TXLNB: variants seen among roughly 807,000 people sequenced by gnomAD.
The protein encoded by TXLNB is taxilin beta.
A neutral mutation model predicts 57.4 loss-of-function variants in TXLNB; 37 were observed. That is an observed-to-expected ratio of 0.64 (90% confidence interval 0.50 to 0.85). The LOEUF is 0.85. Ranked by LOEUF, TXLNB falls within the 40% of genes least tolerant of loss-of-function variation. The pLI is 0.00. For synonymous variants in TXLNB, 302 were observed against 309.6 expected, an observed-to-expected ratio of 0.98 and a Z score of 0.26; for missense variants, 848 against 825.6, an observed-to-expected ratio of 1.03 and a Z score of -0.33.
At chr6:139,226,302 CA>C in the TXLNB span, among the ~76,000 whole-genome samples, 80 of 39,234 alleles carry the variant, frequency 2.0e-3, no homozygotes, top group South Asian at 9.4e-3. Context: ...GACCCTGTCT[CA>C]AAAAAAAAAA....
the TXLNB span, among the ~76,000 whole-genome samples, chr6:139,230,499 G>T: frequency 6.6e-6 from 1 of 152,226 alleles, no homozygotes; most frequent in African/African-American, 2.4e-5. Context: ...CCTAGTTAAA[G>T]ATAGTAACCA....
the TXLNB span, among the ~76,000 whole-genome samples, chr6:139,227,126 A>T: frequency 1.3e-5 from 2 of 152,042 alleles, no homozygotes; most frequent in Non-Finnish European, 2.9e-5. Flanking sequence ...GAGGATCATG[A>T]GGTCAGGAGT....
At position 139,288,822 on chromosome 6, in the gene TXLNB, A is replaced by T. The variant is rs773078876; in HGVS notation, c.78T>A (p.Ser26Arg). ...TPPGDSSSLP[S>R]HNGLEKEDGQ... is the part of the protein sequence containing the mutation. The stretch of plus-strand genomic sequence containing the variant: ...CATCTTCCTTCTCCAGGCCATTGTG[A>T]CTGGGTAATGATGAACTGTCACCTG... Residue 26 changes from serine (S) to arginine (R), a missense_variant, in exon 2 of 10, where the codon AGT (serine) becomes AGA (arginine). Coordinates refer to ENST00000358430, the MANE Select transcript of TXLNB (RefSeq NM_153235.4). 1.2e-6 allele frequency: 2 copies of T among 1,614,074 alleles called. No homozygotes were observed. The highest frequency in any genetic ancestry group is 4.5e-5 in the East Asian group (2 of 44,882).
At chr6:139,177,347 C>A in the TXLNB span, 1 of 314,332 alleles carries the variant, frequency 3.2e-6, no homozygotes, top group Non-Finnish European at 5.8e-6. The surrounding 1 kb of genome is among the most constrained non-coding windows in gnomAD (Gnocchi z 4.9). Flanking sequence ...TTCACTCTTA[C>A]CAAGAATCTT....
chr6:139,238,268 C>T (rs561405522), downstream of TXLNB, among the ~76,000 whole-genome samples: 1 of 152,236 alleles, frequency 6.6e-6, no homozygotes, highest in East Asian at 1.9e-4. Flanking sequence ...GTGGCAGGTG[C>T]CTGTAATCCC....
At chr6:139,299,387 C>A in the TXLNB span, among the ~76,000 whole-genome samples, 1 of 152,186 alleles carries the variant, frequency 6.6e-6, no homozygotes, top group African/African-American at 2.4e-5. Context: ...CCACAAGATA[C>A]CCAAACAAAC....
At chr6:139,214,349 A>G in the TXLNB span, among the ~76,000 whole-genome samples, 1 of 152,228 alleles carries the variant, frequency 6.6e-6, no homozygotes, top group African/African-American at 2.4e-5. Context: ...AACGTAATCC[A>G]GCATACAAAC....
chr6:139,311,863 G>A, the TXLNB span, among the ~76,000 whole-genome samples: 2 of 152,006 alleles, frequency 1.3e-5, no homozygotes, highest in African/African-American at 2.4e-5. Flanking sequence ...AGAGCAGGGG[G>A]GCTAGGATGG....
chr6:139,311,835 C>A, the TXLNB span, among the ~76,000 whole-genome samples: 1 of 152,130 alleles, frequency 6.6e-6, no homozygotes, highest in Non-Finnish European at 1.5e-5. Context: ...ATTTATTACT[C>A]TCAGTTCTGG....
the TXLNB span, among the ~76,000 whole-genome samples, chr6:139,205,477 GA>G: frequency 2.6e-5 from 4 of 151,742 alleles, no homozygotes; most frequent in African/African-American, 9.7e-5. Flanking sequence ...ATATCATAGA[GA>G]AAAAAACATT....
chr6:139,176,879 T>C, the TXLNB span: 1 of 806,170 alleles, frequency 1.2e-6, no homozygotes, highest in Non-Finnish European at 2.2e-6. The surrounding 1 kb of genome is among the most constrained non-coding windows in gnomAD (Gnocchi z 4.5). Context: ...TTGGTTTGGA[T>C]GACTTTGACA....
At chr6:139,281,539 CTTTTTTTT>C (rs745650982) in intron 2 of TXLNB, among the ~76,000 whole-genome samples, 2 of 57,448 alleles carry the variant, frequency 3.5e-5, no homozygotes, top group Admixed American at 1.6e-4. Context: ...ATCTGGAGTT[CTTTTTTTT>C]TTTTTTTTTT....
At chr6:139,170,963 T>C in the TXLNB span, among the ~76,000 whole-genome samples, 1 of 152,156 alleles carries the variant, frequency 6.6e-6, no homozygotes, top group African/African-American at 2.4e-5. Flanking sequence ...CTTGTGAATT[T>C]AGAAACAAAA....
In TXLNB at chr6:139,266,981, A is replaced by C. The variant is rs78313310; in HGVS notation, c.687+3475T>G. Among the ~76,000 whole-genome samples, 7 of 150,974 alleles carry C rather than the reference A, an allele frequency of 4.6e-5. No individual in the cohort carries two copies. The South Asian group carries it at 1.3e-3, about 27-fold the overall frequency. On this transcript the variant is annotated intron_variant, in intron 4 of 9. Transcript: ENST00000358430. Reference sequence around the variant, plus strand: ...GGCTAAAAGGAAAAAAAAAAAAAAAACCCACGAATAGGTTCTCTCAATGCA... The same window carrying C: ...GGCTAAAAGGAAAAAAAAAAAAAAACCCCACGAATAGGTTCTCTCAATGCA...
the TXLNB span, among the ~76,000 whole-genome samples, chr6:139,210,554 G>A: frequency 2.6e-5 from 4 of 152,230 alleles, no homozygotes; most frequent in African/African-American, 9.6e-5. Context: ...CCTAGCGTGA[G>A]CGACGCAGAA....
chr6:139,285,909 C>A (rs919057110), intron 2 of TXLNB, among the ~76,000 whole-genome samples: 1 of 145,332 alleles, frequency 6.9e-6, no homozygotes, highest in Non-Finnish European at 1.5e-5. Flanking sequence ...ACTTTACCCA[C>A]GAGAGAGATT....
upstream of TXLNB, among the ~76,000 whole-genome samples, chr6:139,294,559 G>T (rs1777356669): frequency 6.6e-6 from 1 of 152,140 alleles, no homozygotes. Flanking sequence ...CATAAAAAAG[G>T]TCTGAAAGAA....
At chr6:139,187,099 T>A in the TXLNB span, among the ~76,000 whole-genome samples, 1 of 152,204 alleles carries the variant, frequency 6.6e-6, no homozygotes, top group Non-Finnish European at 1.5e-5. Context: ...TTTAAATATG[T>A]TTAGTTTATT....
rs773359717 is a variant in TXLNB, at chr6:139,288,464, A to T, written c.424+12T>A. 5 of 1,611,136 alleles carry T rather than the reference A, an allele frequency of 3.1e-6. No individual in the cohort carries two copies. Among genetic ancestry groups the T allele is most frequent in the Non-Finnish European group, 4.2e-6 (5 of 1,178,262 alleles). On this transcript the variant is annotated intron_variant, in intron 2 of 9. Transcript: ENST00000358430. ...ATACAGAAAAGTCACATATTTGAAC[A>T]TAACTACTTGCCTAATCCTTTTAGG...
Sources: allele counts gnomAD v4.1 joint callset (sites outside exome capture counted in the v4.1 genomes callset), GRCh38; gene constraint gnomAD v4.1.1; non-coding constraint Gnocchi (gnomAD v3.1); transcripts MANE v1.5; gene names NCBI Gene and HGNC (gene_info 2026-07-23, HGNC 2026-07-21).